The following ASXL3 variants were observed in gnomAD, a reference collection of about 807,000 sequenced individuals.
The protein encoded by ASXL3 is putative Polycomb group protein ASXL3.
Under a neutral mutation model 170.6 loss-of-function variants are expected in ASXL3, and 34 were observed. The ratio of observed to expected loss-of-function variants is 0.20; its 90% confidence interval spans 0.15 to 0.27. The LOEUF (loss-of-function observed/expected upper bound fraction) is 0.27, where lower values mean the gene tolerates loss of function less well. Among genes scored for constraint, ASXL3 ranks in the 10% least tolerant of loss-of-function variants. ASXL3 has a pLI of 1.00. For missense variants in ASXL3, 2,592 were observed against 2,695.3 expected (o/e 0.96, Z 0.85); for synonymous variants, 1,002 against 989.1 (o/e 1.01, Z -0.24).
At chr18:33,718,031 T>C (rs539869373) in intron 8 of ASXL3, among the ~76,000 whole-genome samples, 1 of 152,272 alleles carries the variant, frequency 6.6e-6, no homozygotes, top group South Asian at 2.1e-4. Context: ...ACTACCTATA[T>C]GTTCCTTATA....
chr18:33,598,488 G>C (rs1221588644), intron 1 of ASXL3, among the ~76,000 whole-genome samples: 1 of 152,048 alleles, frequency 6.6e-6, no homozygotes, highest in Non-Finnish European at 1.5e-5. Context: ...TATCTGCTCT[G>C]ACAAACTCAT....
intron 1 of ASXL3, among the ~76,000 whole-genome samples, chr18:33,584,953 A>G (rs1394959999): frequency 6.6e-6 from 1 of 151,704 alleles, no homozygotes; most frequent in African/African-American, 2.4e-5. Context: ...GTCATTTTTT[A>G]AAAAAACAAT....
At chr18:33,692,051 C>T (rs376205730) in intron 8 of ASXL3, among the ~76,000 whole-genome samples, 54 of 152,266 alleles carry the variant, frequency 3.5e-4, no homozygotes, top group African/African-American at 1.2e-3. Context: ...CAGGTTTGTC[C>T]AACTCCAAGC....
At chr18:33,679,895 A>C (rs1375818262) in intron 7 of ASXL3, among the ~76,000 whole-genome samples, 1 of 152,030 alleles carries the variant, frequency 6.6e-6, no homozygotes, top group Non-Finnish European at 1.5e-5. Flanking sequence ...ACATTTGTTT[A>C]TACCATCTCA....
chr18:33,626,575 A>G (rs1313134676), intron 2 of ASXL3: 1 of 150,796 alleles, frequency 6.6e-6, no homozygotes, highest in Non-Finnish European at 1.5e-5. Flanking sequence ...CACCCTGTTT[A>G]GAAGATTAGC....
At chr18:33,608,176 G>A (rs726147) in intron 2 of ASXL3, among the ~76,000 whole-genome samples, 14,370 of 151,902 alleles carry the variant, frequency 0.095, 941 homozygotes, top group African/African-American at 0.18. Flanking sequence ...GTACAGTTTA[G>A]TGGGTTATGT....
intron 8 of ASXL3, among the ~76,000 whole-genome samples, chr18:33,709,890 G>A (rs533967396): frequency 3.7e-4 from 57 of 152,290 alleles, no homozygotes; most frequent in Admixed American, 2.4e-3. Context: ...TCTGACCACT[G>A]CTTCCTAATC....
chr18:33,659,786 T>G (rs185963968), intron 4 of ASXL3, among the ~76,000 whole-genome samples: 265 of 152,228 alleles, frequency 1.7e-3, no homozygotes, highest in African/African-American at 5.8e-3. Context: ...TTAGACTGTC[T>G]TAAGCAAAAA....
At chr18:33,646,492 G>C (rs1221764975) in intron 4 of ASXL3, 139 bp downstream of exon 4, 1 of 583,088 alleles carries the variant, frequency 1.7e-6, no homozygotes, top group Non-Finnish European at 2.9e-6. Context: ...TTATCATCAA[G>C]GTGTTTTGAT....
At chr18:33,742,684 CAG>C (rs1400005900) in intron 11 of ASXL3, among the ~76,000 whole-genome samples, 5 of 152,126 alleles carry the variant, frequency 3.3e-5, no homozygotes, top group African/African-American at 9.7e-5. Context: ...GATTAAAAAA[CAG>C]ATTAAAAACT....
At chr18:33,621,494 A>G (rs533137088) in intron 2 of ASXL3, among the ~76,000 whole-genome samples, 1 of 152,286 alleles carries the variant, frequency 6.6e-6, no homozygotes, top group South Asian at 2.1e-4. Flanking sequence ...AACTGTTGGC[A>G]GGAGTTAGGG....
rs547624062 is a variant in ASXL3 at position 33,582,312 on chromosome 18, A to G, written c.54+3627A>G. On this transcript the variant is annotated intron_variant, in intron 1 of 11. Transcript: ENST00000269197. ...TGAAACGATCTTCATGCTTCTTTGT[A>G]AAAAATGGGGATTTGACAGGACTTT... 5.5e-4 allele frequency among the ~76,000 whole-genome samples: 84 copies of G among 152,304 alleles called. 1 individual carries two copies. In the Middle Eastern group the frequency reaches 0.041, roughly 74 times the overall value.
chr18:33,698,410 A>C (rs934522751), intron 8 of ASXL3, among the ~76,000 whole-genome samples: 4 of 152,140 alleles, frequency 2.6e-5, no homozygotes, highest in African/African-American at 9.6e-5. Context: ...TGAAAAAGAC[A>C]GCATGTTTTC....
rs1467136893 is a variant in ASXL3 at position 33,734,228 on chromosome 18, C to T, written c.977-82C>T. ...ACTTTTCAAGATCCATAAAAGTTTA[C>T]TCAAATGAATTACATGTTTTCTTTA... On this transcript the variant is annotated intron_variant, in intron 9 of 11. Coordinates refer to ENST00000269197, the MANE Select transcript of ASXL3 (RefSeq NM_030632.3). The T allele has an allele frequency of 7.9e-6, 7 of 890,696 alleles. No individual in the cohort carries two copies. In the South Asian group the frequency reaches 1.5e-4, roughly 19 times the overall value. 55.2% of individuals were successfully genotyped at this position (890,696 alleles called of 1,614,324 possible).
chr18:33,615,996 A>G (rs1041101035), intron 2 of ASXL3, among the ~76,000 whole-genome samples: 1 of 152,136 alleles, frequency 6.6e-6, no homozygotes, highest in Admixed American at 6.6e-5. Flanking sequence ...TATAACATTG[A>G]TTAAATAAGT....
At chr18:33,713,186 G>C (rs925792704) in intron 8 of ASXL3, among the ~76,000 whole-genome samples, 1 of 148,316 alleles carries the variant, frequency 6.7e-6, no homozygotes, top group African/African-American at 2.5e-5. Context: ...ACAAGAATGA[G>C]GGGGAGAATA....
In ASXL3 at chr18:33,748,584, C is replaced by T. The variant is rs2067834920; in HGVS notation, c.*1989C>T. 6.6e-6 allele frequency: 1 copy of T among 152,216 alleles called. No homozygotes were observed. Among genetic ancestry groups the T allele is most frequent in the South Asian group, 2.1e-4 (1 of 4,824 alleles). 9.4% of individuals were successfully genotyped at this position (152,216 alleles called of 1,614,324 possible). A position where few individuals can be genotyped will look rare whatever the true frequency, so the allele number is the denominator to read the frequency against. Reference sequence around the variant, plus strand: ...GAAAGCAGCATAAGTTCCAGTGGATCCTTAGTTTTCTCTTCACTGCCTGCC... The same window carrying T: ...GAAAGCAGCATAAGTTCCAGTGGATTCTTAGTTTTCTCTTCACTGCCTGCC... On this transcript the variant is annotated 3_prime_UTR_variant, in exon 12 of 12. Transcript: ENST00000269197.
At chr18:33,598,224 GAGT>G (rs1269533611) in intron 1 of ASXL3, among the ~76,000 whole-genome samples, 1 of 152,038 alleles carries the variant, frequency 6.6e-6, no homozygotes, top group Admixed American at 6.6e-5. Flanking sequence ...CAAATTGTTA[GAGT>G]ATCTAATCTT....
At chr18:33,664,731 C>T (rs1422610042) in intron 5 of ASXL3, among the ~76,000 whole-genome samples, 1 of 152,182 alleles carries the variant, frequency 6.6e-6, no homozygotes, top group Non-Finnish European at 1.5e-5. Flanking sequence ...ACAGAGAGGG[C>T]TACATGTTTA....
Sources: allele counts gnomAD v4.1 joint callset (sites outside exome capture counted in the v4.1 genomes callset), GRCh38; gene constraint gnomAD v4.1.1; transcripts MANE v1.5; gene names NCBI Gene and HGNC (gene_info 2026-07-23, HGNC 2026-07-21).